GTF2IRD1: variants seen among roughly 807,000 people sequenced by gnomAD.
The protein encoded by GTF2IRD1 is general transcription factor II-I repeat domain-containing protein 1.
Under a neutral mutation model 113.2 loss-of-function variants are expected in GTF2IRD1, and 26 were observed. The observed-to-expected ratio is 0.23, with a 90% CI of 0.17 to 0.32. The LOEUF (loss-of-function observed/expected upper bound fraction) is 0.32, where lower values mean the gene tolerates loss of function less well. Ranked by LOEUF, GTF2IRD1 falls within the 10% of genes least tolerant of loss-of-function variation. GTF2IRD1 has a pLI of 1.00. For missense variants in GTF2IRD1, 864 were observed against 1,280.8 expected (o/e 0.67, Z 4.97); for synonymous variants, 484 against 529.1 (o/e 0.91, Z 1.17).
chr7:74,501,515 C>G (rs1554339495), intron 1 of GTF2IRD1, among the ~76,000 whole-genome samples: 1 of 152,084 alleles, frequency 6.6e-6, no homozygotes. Context: ...TCGTCATGGC[C>G]GAGCCCCTGG....
chr7:74,527,914 G>C (rs1480999624), intron 8 of GTF2IRD1, among the ~76,000 whole-genome samples: 1 of 152,158 alleles, frequency 6.6e-6, no homozygotes, highest in Non-Finnish European at 1.5e-5. Context: ...GACTGAAATG[G>C]CACAAGTCTG....
chr7:74,493,746 C>T (rs1554337301), intron 1 of GTF2IRD1, among the ~76,000 whole-genome samples: 2 of 151,890 alleles, frequency 1.3e-5, no homozygotes, highest in Non-Finnish European at 2.9e-5. Flanking sequence ...ATGTGGACTC[C>T]CTAAGCCATA....
rs1795304257 is a variant in GTF2IRD1, at chr7:74,490,986, G to C, written c.-6-17089G>C. ...AATTTCCTGAAGCTGCTGTAACACG[G>C]GCCACACAGACTTCGTGCCTTAAAG... is the stretch of plus-strand genomic sequence containing the variant. On this transcript the variant is annotated intron_variant, in intron 1 of 26. Transcript: ENST00000424337. Among the ~76,000 whole-genome samples, 5 of 152,112 alleles carry C rather than the reference G, an allele frequency of 3.3e-5. 1 individual carries two copies. In the South Asian group the frequency reaches 1.0e-3, roughly 32 times the overall value.
At chr7:74,601,411 G>A (rs1284016334) in intron 26 of GTF2IRD1, 16 of 1,484,100 alleles carry the variant, frequency 1.1e-5, no homozygotes, top group Admixed American at 4.3e-5. Flanking sequence ...TCACATCCTC[G>A]CTGGGCAGAT....
At chr7:74,530,636 A>G (rs1347603744) in intron 9 of GTF2IRD1, among the ~76,000 whole-genome samples, 2 of 150,732 alleles carry the variant, frequency 1.3e-5, no homozygotes, top group South Asian at 4.2e-4. Context: ...GGAAGGGACA[A>G]TGATGGCCCC....
intron 1 of GTF2IRD1, among the ~76,000 whole-genome samples, chr7:74,491,536 T>A (rs1554336709): frequency 6.6e-6 from 1 of 152,026 alleles, no homozygotes; most frequent in African/African-American, 2.4e-5. Context: ...TGTCCATGTG[T>A]TCTCATTGTT....
chr7:74,522,600 A>G (rs1260892775), intron 7 of GTF2IRD1, among the ~76,000 whole-genome samples: 2 of 152,162 alleles, frequency 1.3e-5, no homozygotes, highest in Non-Finnish European at 2.9e-5. Context: ...CTCCCCCCCA[A>G]CAACAACCCA....
At chr7:74,598,447 A>G (rs1447767389) in intron 25 of GTF2IRD1, among the ~76,000 whole-genome samples, 1 of 151,372 alleles carries the variant, frequency 6.6e-6, no homozygotes, top group African/African-American at 2.4e-5. Flanking sequence ...TGTCTCTACT[A>G]AAATCCAAAA....
At chr7:74,579,193 C>G (rs1367841677) in intron 22 of GTF2IRD1, among the ~76,000 whole-genome samples, 1 of 152,076 alleles carries the variant, frequency 6.6e-6, no homozygotes, top group Non-Finnish European at 1.5e-5. Flanking sequence ...TGGTGGTATG[C>G]ACCTGTAGGC....
rs782071515 is a variant in GTF2IRD1, at chr7:74,590,778, A to G, written c.2399-47A>G. On this transcript the variant is annotated intron_variant, in intron 23 of 26. Transcript: ENST00000424337. The stretch of plus-strand genomic sequence containing the variant: ...AGCCCTTTCCCTAGAGGGCTTTGCC[A>G]TTGACAGGAGACATCTTTCCTCACT... 6 of 1,342,142 alleles carry G rather than the reference A, an allele frequency of 4.5e-6. No homozygotes were observed. The Admixed American group carries it at 8.0e-5, about 18-fold the overall frequency. The allele number at this position is 1,342,142 out of a possible 1,614,324, so 83.1% of individuals were successfully genotyped here.
intron 22 of GTF2IRD1, among the ~76,000 whole-genome samples, chr7:74,567,712 A>C (rs1458866148): frequency 1.3e-5 from 2 of 151,998 alleles, no homozygotes; most frequent in Non-Finnish European, 2.9e-5. Flanking sequence ...GTCAGGTCTA[A>C]AAGGATCACC....
At chr7:74,500,301 T>G (rs184659333) in intron 1 of GTF2IRD1, among the ~76,000 whole-genome samples, 1 of 151,968 alleles carries the variant, frequency 6.6e-6, no homozygotes, top group African/African-American at 2.4e-5. Flanking sequence ...TTGGTAGGCC[T>G]AACGTGGTGG....
At chr7:74,473,400 G>A (rs1216860345) in intron 1 of GTF2IRD1, among the ~76,000 whole-genome samples, 5 of 151,886 alleles carry the variant, frequency 3.3e-5, no homozygotes, top group African/African-American at 7.3e-5. Context: ...GAGGTTGGGC[G>A]TGGAGGTTGC....
chr7:74,543,892 A>AC (rs1176489165), intron 14 of GTF2IRD1, among the ~76,000 whole-genome samples: 2 of 151,244 alleles, frequency 1.3e-5, no homozygotes, highest in Non-Finnish European at 2.9e-5. Flanking sequence ...AAAAAAAAAA[A>AC]AAAACAATTA....
In GTF2IRD1 at chr7:74,602,455, C is replaced by A; in HGVS notation, c.*22C>A. 1 of 1,597,690 alleles carries A rather than the reference C, an allele frequency of 6.3e-7. No homozygotes were observed. The highest frequency in any genetic ancestry group is 1.1e-5 in the South Asian group (1 of 90,230). On this transcript the variant is annotated 3_prime_UTR_variant, in exon 27 of 27. Transcript: ENST00000424337. ...CTAGACCTCAGTACTGAATCAGGAC[C>A]TCACTCAGAAAGACTAAAGGAAATG...
intron 22 of GTF2IRD1, among the ~76,000 whole-genome samples, chr7:74,566,112 G>A (rs1554360640): frequency 6.6e-6 from 1 of 151,960 alleles, no homozygotes; most frequent in Non-Finnish European, 1.5e-5. Flanking sequence ...CCAGATGGCT[G>A]TTCATTTTTA....
intron 17 of GTF2IRD1, among the ~76,000 whole-genome samples, chr7:74,553,087 C>T (rs1224524236): frequency 6.6e-6 from 1 of 152,132 alleles, no homozygotes; most frequent in Non-Finnish European, 1.5e-5. Flanking sequence ...ATCCATCCAC[C>T]TTGACCTCCC....
intron 5 of GTF2IRD1, among the ~76,000 whole-genome samples, chr7:74,519,110 G>A (rs1166606968): frequency 6.6e-6 from 1 of 152,230 alleles, no homozygotes; most frequent in South Asian, 2.1e-4. Flanking sequence ...GGCAGGAAGG[G>A]GAGGGGTGCA....
At chr7:74,503,805 A>G (rs1482857187) in intron 1 of GTF2IRD1, among the ~76,000 whole-genome samples, 3 of 152,184 alleles carry the variant, frequency 2.0e-5, no homozygotes, top group African/African-American at 7.2e-5. Flanking sequence ...CAGGTTTGTT[A>G]CAAAGGTATA....
Sources: allele counts gnomAD v4.1 joint callset (sites outside exome capture counted in the v4.1 genomes callset), GRCh38; gene constraint gnomAD v4.1.1; transcripts MANE v1.5; gene names NCBI Gene and HGNC (gene_info 2026-07-23, HGNC 2026-07-21).